The following SUN3 variants were observed in gnomAD, a reference collection of about 807,000 sequenced individuals.
The protein encoded by SUN3 is SUN domain-containing protein 3.
Under a neutral mutation model 48.2 loss-of-function variants are expected in SUN3, and 36 were observed. The ratio of observed to expected loss-of-function variants is 0.75; its 90% CI spans 0.57 to 0.99. SUN3 has a LOEUF of 0.99. Among genes scored for constraint, SUN3 ranks in the 50% least tolerant of loss-of-function variants. The probability of loss-of-function intolerance (pLI) is 0.00; values close to 1 mark genes in which losing one functional copy is unlikely to be tolerated. For missense variants in SUN3, 419 were observed against 433.1 expected, an observed-to-expected ratio of 0.97 and a Z score of 0.29; for synonymous variants, 148 against 147.9, an observed-to-expected ratio of 1.00 and a Z score of 0.00.
At position 48,005,936 on chromosome 7, in the gene SUN3, TAATGTTCCTCTTTTCAC is replaced by T; in HGVS notation, c.577+16_577+32del. 1 of 1,433,860 alleles carries T rather than the reference TAATGTTCCTCTTTTCAC, an allele frequency of 7.0e-7. No individual in the cohort carries two copies. The highest frequency in any genetic ancestry group is 9.7e-7 in the Non-Finnish European group (1 of 1,033,686). 88.8% of individuals were successfully genotyped at this position (1,433,860 alleles called of 1,614,324 possible). A position where few individuals can be genotyped will look rare whatever the true frequency, so the allele number is the denominator to read the frequency against. ...CATTCCTGAAGCATTCTTTTTTTTT[TAATGTTCCTCTTTTCAC>T]TTTTTCTGTACTCACCGGCCGACTT... On this transcript the variant is annotated intron_variant, in intron 6 of 9. Transcript: ENST00000297325.
chr7:47,991,369 A>T (rs758634915), intron 8 of SUN3, among the ~76,000 whole-genome samples: 80 of 152,302 alleles, frequency 5.3e-4, no homozygotes, highest in Admixed American at 5.2e-4. Context: ...TCTGAGATGG[A>T]ACTTAGCTGC....
chr7:48,006,362 C>T (rs1285434354), intron 5 of SUN3, among the ~76,000 whole-genome samples: 5 of 152,130 alleles, frequency 3.3e-5, no homozygotes, highest in African/African-American at 4.8e-5. Flanking sequence ...AGTGCTCTCC[C>T]GGTGAGGTGC....
the SUN3 span, among the ~76,000 whole-genome samples, chr7:48,034,375 G>T: frequency 2.0e-5 from 3 of 152,076 alleles, no homozygotes; most frequent in Admixed American, 6.5e-5. Flanking sequence ...GGCTATACTC[G>T]TGTAACAGAA....
At chr7:48,027,373 G>A (rs1323887965) in intron 1 of SUN3, among the ~76,000 whole-genome samples, 1 of 152,130 alleles carries the variant, frequency 6.6e-6, no homozygotes, top group Non-Finnish European at 1.5e-5. Context: ...GTATTTTCAA[G>A]AGAGACATTG....
upstream of SUN3, among the ~76,000 whole-genome samples, chr7:48,030,231 T>C (rs1483102786): frequency 2.0e-5 from 3 of 152,220 alleles, no homozygotes; most frequent in African/African-American, 7.2e-5. Context: ...AAGTGTTATT[T>C]TTCAATTTAC....
intron 3 of SUN3, among the ~76,000 whole-genome samples, chr7:48,010,115 C>T (rs1162536230): frequency 6.6e-6 from 1 of 151,772 alleles, no homozygotes; most frequent in Non-Finnish European, 1.5e-5. Flanking sequence ...ACACACACTC[C>T]ACATACACAT....
chr7:48,007,153 C>T lies in SUN3; in HGVS notation c.492+12G>A. On this transcript the variant is annotated intron_variant, in intron 5 of 9. Coordinates refer to ENST00000297325, the MANE Select transcript of SUN3 (RefSeq NM_001030019.2). ...CCCCACCCTGCCCAACCCGCCTAGC[C>T]TCATCCAGGACCTCTGTGTGGTCCG... The T allele has an allele frequency of 1.2e-6, 2 of 1,611,084 alleles. No individual in the cohort carries two copies. The highest frequency in any genetic ancestry group is 1.7e-6 in the Non-Finnish European group (2 of 1,178,622).
At chr7:48,026,019 G>T in intron 1 of SUN3, 81 bp from the exon 2 acceptor site, 2 of 870,944 alleles carry the variant, frequency 2.3e-6, no homozygotes, top group Middle Eastern at 3.0e-4. Flanking sequence ...CTACACTCAC[G>T]TCAACAAACT....
At chr7:47,990,125 G>C (rs578244659) in intron 8 of SUN3, among the ~76,000 whole-genome samples, 1 of 152,216 alleles carries the variant, frequency 6.6e-6, no homozygotes, top group Non-Finnish European at 1.5e-5. Flanking sequence ...CAGTAAAAGA[G>C]GAAGGCCTCT....
At chr7:47,989,107 CAGAT>C (rs553753501) in intron 8 of SUN3, 300 of 373,844 alleles carry the variant, frequency 8.0e-4, no homozygotes, top group Middle Eastern at 1.4e-3. Context: ...GACACACAGA[CAGAT>C]AGATAGATAG....
chr7:48,017,491 G>A (rs1006819890), intron 2 of SUN3, 126 bp from the exon 3 acceptor site: 2 of 641,662 alleles, frequency 3.1e-6, no homozygotes, highest in Non-Finnish European at 5.4e-6. Flanking sequence ...CAGATCCTTG[G>A]GTGACATCAT....
chr7:47,987,954 C>T (rs766653219), intron 9 of SUN3, among the ~76,000 whole-genome samples: 4 of 152,098 alleles, frequency 2.6e-5, no homozygotes, highest in Non-Finnish European at 5.9e-5. Flanking sequence ...GATAATATGG[C>T]GGCCAAGTGA....
intron 3 of SUN3, among the ~76,000 whole-genome samples, chr7:48,016,664 T>C (rs114514228): frequency 6.6e-6 from 1 of 152,248 alleles, no homozygotes; most frequent in African/African-American, 2.4e-5. Flanking sequence ...GTGATAAAGG[T>C]TTATTTGCCA....
At position 47,987,211 on chromosome 7, in the gene SUN3, C is replaced by A. The variant is rs1054092086; in HGVS notation, c.*119G>T. 1.4e-5 allele frequency: 15 copies of A among 1,048,944 alleles called. No individual in the cohort carries two copies. In the African/African-American group the frequency reaches 1.8e-4, roughly 13 times the overall value. The allele number at this position is 1,048,944 out of a possible 1,614,324, so 65.0% of individuals were successfully genotyped here. Reference sequence around the variant, plus strand: ...TTTACTTTTTACAGGCAAGTATGAACCACTTTGAGGTTTTCTTCCCACTCC... The same window carrying A: ...TTTACTTTTTACAGGCAAGTATGAAACACTTTGAGGTTTTCTTCCCACTCC... On this transcript the variant is annotated 3_prime_UTR_variant, in exon 10 of 10. Transcript: ENST00000297325.
At chr7:47,991,083 A>G (rs1200305963) in intron 8 of SUN3, 2 of 453,748 alleles carry the variant, frequency 4.4e-6, no homozygotes, top group Non-Finnish European at 8.8e-6. Flanking sequence ...AATAAACAAC[A>G]AAACAAAACA....
At chr7:48,024,814 A>G (rs1411052922) in intron 2 of SUN3, among the ~76,000 whole-genome samples, 2 of 152,280 alleles carry the variant, frequency 1.3e-5, no homozygotes, top group East Asian at 3.9e-4. Flanking sequence ...GAACTAATAG[A>G]GTGACAACTC....
At chr7:48,006,877 G>T (rs998862213) in intron 5 of SUN3, among the ~76,000 whole-genome samples, 4 of 152,144 alleles carry the variant, frequency 2.6e-5, no homozygotes, top group Non-Finnish European at 2.9e-5. Flanking sequence ...TGTGTATAGA[G>T]CTCAGAGACT....
upstream of SUN3, among the ~76,000 whole-genome samples, chr7:48,033,864 G>A (rs1165011882): frequency 7.2e-5 from 11 of 152,206 alleles, no homozygotes; most frequent in Admixed American, 7.2e-4. Context: ...GACCAGCCTG[G>A]CCAACATGGC....
upstream of SUN3, among the ~76,000 whole-genome samples, chr7:48,034,043 G>C (rs932907501): frequency 5.3e-5 from 8 of 152,338 alleles, no homozygotes; most frequent in East Asian, 1.9e-4. Context: ...GACAGAGCAA[G>C]AGCAAGGCTC....
Sources: allele counts gnomAD v4.1 joint callset (sites outside exome capture counted in the v4.1 genomes callset), GRCh38; gene constraint gnomAD v4.1.1; transcripts MANE v1.5; gene names NCBI Gene and HGNC (gene_info 2026-07-23, HGNC 2026-07-21).